PNPLA7: variants seen among roughly 807,000 people sequenced by gnomAD.
PNPLA7 encodes the protein patatin like domain 7, lysophospholipase.
In PNPLA7, 153 loss-of-function variants were observed where a neutral mutation model predicts 161.7. The ratio of observed to expected loss-of-function variants is 0.95; its 90% CI spans 0.83 to 1.08. The LOEUF is 1.08. Among genes scored for constraint, PNPLA7 ranks in the 50% least tolerant of loss-of-function variants. PNPLA7 has a pLI of 0.00. For missense variants in PNPLA7, 1,739 were observed against 1,856.6 expected (o/e 0.94, Z 1.16); for synonymous variants, 809 against 782.1 (o/e 1.03, Z -0.57).
intron 4 of PNPLA7, among the ~76,000 whole-genome samples, chr9:137,546,118 G>C (rs1202984860): frequency 6.6e-6 from 1 of 152,184 alleles, no homozygotes; most frequent in African/African-American, 2.4e-5. Flanking sequence ...CTGTCTTTTA[G>C]ATAGCAGTAG....
chr9:137,504,129 G>T (rs1406844078), intron 14 of PNPLA7, among the ~76,000 whole-genome samples: 2 of 146,168 alleles, frequency 1.4e-5, no homozygotes, highest in Non-Finnish European at 3.0e-5. Context: ...GAAGAAAAAA[G>T]GAAGAAGAAA....
intron 30 of PNPLA7, 167 bp from the exon 31 acceptor site, chr9:137,462,498 C>A (rs1488868802): frequency 2.2e-6 from 3 of 1,386,188 alleles, no homozygotes; most frequent in Non-Finnish European, 2.9e-6. Flanking sequence ...GCTGCCACAG[C>A]CTTCAGGCCC....
chr9:137,505,906 G>A (rs531175928), intron 13 of PNPLA7, 77 bp downstream of exon 13: 1 of 1,532,954 alleles, frequency 6.5e-7, no homozygotes, highest in Non-Finnish European at 8.9e-7. Flanking sequence ...CAAAGCCGGC[G>A]GCGCCCCCAA....
intron 14 of PNPLA7, 68 bp downstream of exon 14, chr9:137,505,546 A>G (rs1284164430): frequency 6.4e-7 from 1 of 1,573,730 alleles, no homozygotes; most frequent in Non-Finnish European, 8.7e-7. Context: ...CCACTGCCCA[A>G]CAGAGGCAGA....
At chr9:137,481,376 C>CGATGG (rs1221087388) in intron 21 of PNPLA7, among the ~76,000 whole-genome samples, 10 of 152,180 alleles carry the variant, frequency 6.6e-5, no homozygotes, top group African/African-American at 2.4e-4. Context: ...GAAGGCTGTG[C>CGATGG]GATGGGAGAT....
At position 137,543,468 on chromosome 9, in the gene PNPLA7, A is replaced by T; in HGVS notation, c.470T>A (p.Leu157Gln). 6.2e-7 allele frequency: 1 copy of T among 1,614,130 alleles called. No homozygotes were observed. The highest frequency in any genetic ancestry group is 8.5e-7 in the Non-Finnish European group (1 of 1,180,026). ...LTEFDVKNSHLPSEVLYMLKN... is the reference protein window; with the variant it reads ...LTEFDVKNSHQPSEVLYMLKN... ...CAGCATGTACAGAACTTCCGATGGC[A>T]GGTGAGAATTCTTCACGTCAAACTC... Residue 157 changes from leucine (L) to glutamine (Q), a missense_variant, in exon 6 of 35, where the codon CTG becomes CAG. By Grantham distance (113) the Leu-to-Gln change is moderately radical (BLOSUM62 -2). Coordinates refer to ENST00000406427, the MANE Select transcript of PNPLA7 (RefSeq NM_001098537.3). This position sits in a 1 kb window ranked among gnomAD's most constrained non-coding sequence, Gnocchi z 6.9.
chr9:137,461,810 C>T (rs1831212410), intron 32 of PNPLA7, 121 bp downstream of exon 32: 1 of 1,251,736 alleles, frequency 8.0e-7, no homozygotes, highest in East Asian at 2.6e-5. Context: ...AGTCTTTGGC[C>T]AGGGGGGCAG....
At chr9:137,492,918 A>G (rs1326344764) in intron 20 of PNPLA7, 95 bp downstream of exon 20, 11 of 812,818 alleles carry the variant, frequency 1.4e-5, no homozygotes, top group African/African-American at 9.0e-5. Flanking sequence ...GGGCGGGGCC[A>G]TGGGCTGGGA....
At chr9:137,514,746 C>A (rs1588653413) in intron 12 of PNPLA7, among the ~76,000 whole-genome samples, 1 of 132,100 alleles carries the variant, frequency 7.6e-6, no homozygotes, top group African/African-American at 3.0e-5. Flanking sequence ...GGTCACCTGG[C>A]TGTTGAGATG....
intron 8 of PNPLA7, among the ~76,000 whole-genome samples, chr9:137,530,572 C>T (rs996065948): frequency 1.3e-5 from 2 of 152,248 alleles, no homozygotes; most frequent in African/African-American, 2.4e-5. Context: ...CCACAGTCTA[C>T]TGGCTTTATT....
At chr9:137,491,389 A>G (rs1194652139) in intron 20 of PNPLA7, 3 of 811,970 alleles carry the variant, frequency 3.7e-6, no homozygotes, top group Middle Eastern at 6.2e-4. Flanking sequence ...GTCTAAACAC[A>G]CAAAAGATAA....
Position 137,509,109 on chromosome 9 carries a change from G to C in PNPLA7, c.1226-3026C>G, listed in dbSNP as rs139181391. ...TGGCATGAGTGAGTTTAGCTGGTAC[G>C]AATGAGTTTAATTGGCATGAGTGAG... is the stretch of plus-strand genomic sequence containing the variant. On this transcript the variant is annotated intron_variant, in intron 12 of 34. Transcript: ENST00000406427. The C allele has an allele frequency of 2.9e-3, 446 of 154,880 alleles. 1 individual carries two copies. The highest frequency in any genetic ancestry group is 0.027 in the Middle Eastern group (50 of 1,826). The allele number at this position is 154,880 out of a possible 1,614,324, so 9.6% of individuals were successfully genotyped here.
At position 137,505,685 on chromosome 9, in the gene PNPLA7, G is replaced by C. The variant is rs774899742; in HGVS notation, c.1402C>G (p.Leu468Val). Residue 468 changes from leucine (L) to valine (V), a missense_variant, in exon 14 of 35, where the codon CTG becomes GTG. By Grantham distance (32) the Leu-to-Val change is conservative (BLOSUM62 1). Coordinates refer to ENST00000406427, the MANE Select transcript of PNPLA7 (RefSeq NM_001098537.3). ...QHSESHTDET[L>V]ASRKSDAIFR... ...ATGGCATCCGACTTCCTGCTGGCCA[G>C]GGTCTCATCCGTGTGACTCTCTGAG... 1.9e-6 allele frequency: 3 copies of C among 1,614,116 alleles called. No individual in the cohort carries two copies. Among genetic ancestry groups the C allele is most frequent in the Non-Finnish European group, 2.5e-6 (3 of 1,180,032 alleles).
chr9:137,506,985 C>T (rs1214671476), intron 12 of PNPLA7, among the ~76,000 whole-genome samples: 1 of 152,356 alleles, frequency 6.6e-6, no homozygotes, highest in East Asian at 1.9e-4. Flanking sequence ...ACACAGATGC[C>T]GCAGCCACAT....
intron 20 of PNPLA7, chr9:137,492,385 T>C (rs1832806023): frequency 1.0e-6 from 1 of 958,316 alleles, no homozygotes; most frequent in African/African-American, 1.8e-5. Context: ...TAGCAGAGCT[T>C]TCCTCCAGTG....
intron 12 of PNPLA7, among the ~76,000 whole-genome samples, chr9:137,510,574 C>T (rs1205777020): frequency 6.6e-6 from 1 of 152,216 alleles, no homozygotes; most frequent in Non-Finnish European, 1.5e-5. Flanking sequence ...TTACCCTGCC[C>T]CTTCTGCCTT....
chr9:137,485,964 T>C (rs1564299149), intron 20 of PNPLA7, among the ~76,000 whole-genome samples: 1 of 151,778 alleles, frequency 6.6e-6, no homozygotes, highest in Non-Finnish European at 1.5e-5. Context: ...ACAGAAGAGG[T>C]TGAGGGGACG....
chr9:137,539,914 T>A (rs1032917306), intron 8 of PNPLA7, among the ~76,000 whole-genome samples: 1 of 152,100 alleles, frequency 6.6e-6, no homozygotes, highest in Non-Finnish European at 1.5e-5. Context: ...GCCTCCCAAG[T>A]AGCTGGGATT....
In PNPLA7 at chr9:137,516,939, CAT is replaced by C. The variant is rs1186563038; in HGVS notation, c.1085-1422_1085-1421del. On this transcript the variant is annotated intron_variant, in intron 11 of 34. Transcript: ENST00000406427. Reference sequence around the variant, plus strand: ...ATCCTCATGGGGTCTCACAAGCACACATGAGTGCAGGAGTAACACCACTCTGC... The same window carrying C: ...ATCCTCATGGGGTCTCACAAGCACACGAGTGCAGGAGTAACACCACTCTGC... 3.3e-5 allele frequency among the ~76,000 whole-genome samples: 5 copies of C among 151,974 alleles called. No homozygotes were observed. The South Asian group carries it at 6.2e-4, about 19-fold the overall frequency.
Sources: allele counts gnomAD v4.1 joint callset (sites outside exome capture counted in the v4.1 genomes callset), GRCh38; gene constraint gnomAD v4.1.1; non-coding constraint Gnocchi (gnomAD v3.1); transcripts MANE v1.5; gene names NCBI Gene and HGNC (gene_info 2026-07-23, HGNC 2026-07-21).